CD99: variants seen among roughly 807,000 people sequenced by gnomAD.
CD99 encodes the protein CD99 antigen.
Under a neutral mutation model 28.4 loss-of-function variants are expected in CD99, and 19 were observed. The ratio of observed to expected loss-of-function variants is 0.67; its 90% CI spans 0.47 to 0.98. The LOEUF is 0.98. Among genes scored for constraint, CD99 ranks in the 50% least tolerant of loss-of-function variants. CD99 has a pLI of 0.00. For missense variants in CD99, 283 were observed against 248.8 expected, an observed-to-expected ratio of 1.14 and a Z score of -0.92; for synonymous variants, 103 against 92.1, an observed-to-expected ratio of 1.12 and a Z score of -0.67.
In CD99 at chrX:2,720,361, C is replaced by T; in HGVS notation, c.199C>T (p.Pro67Ser). The change falls in exon 5 of 10, where the codon CCA becomes TCA. Residue 67 changes from proline to serine, a missense_variant. By Grantham distance (74) the Pro-to-Ser change is moderately conservative (BLOSUM62 -1). Transcript: ENST00000381192. Reference protein sequence around the residue: ...DAVVDGENDDPRPPNPPKPMP... With the variant: ...DAVVDGENDDSRPPNPPKPMP... ...CTCTCATCTTTCACAAACAGACGAC[C>T]CACGACCACCGAACCCACCCAAACC... 6.2e-7 allele frequency: 1 copy of T among 1,613,776 alleles called. No individual in the cohort carries two copies. Among genetic ancestry groups the T allele is most frequent in the Non-Finnish European group, 8.5e-7 (1 of 1,179,808 alleles).
chrX:2,695,352 T>G (rs1165034626), intron 1 of CD99, among the ~76,000 whole-genome samples: 1 of 151,472 alleles, frequency 6.6e-6, no homozygotes, highest in East Asian at 2.0e-4. Context: ...ACTACAGGCA[T>G]GCACTGCATA....
At chrX:2,726,731 A>T (rs1040858893) in intron 8 of CD99, among the ~76,000 whole-genome samples, 1 of 152,196 alleles carries the variant, frequency 6.6e-6, no homozygotes, top group African/African-American at 2.4e-5. Context: ...GGTGGAAGAC[A>T]CTTAGCTCTG....
intron 7 of CD99, among the ~76,000 whole-genome samples, chrX:2,725,275 G>A (rs1362045141): frequency 4.6e-5 from 7 of 152,078 alleles, no homozygotes; most frequent in African/African-American, 1.7e-4. Flanking sequence ...GTGCACACCT[G>A]TAGTCCCAGC....
chrX:2,732,639 TC>T (rs1313782302), intron 8 of CD99, among the ~76,000 whole-genome samples: 1 of 144,118 alleles, frequency 6.9e-6, no homozygotes, highest in South Asian at 2.3e-4. Context: ...TTCCTCCTTT[TC>T]CTTTTTCTCT....
chrX:2,699,168 TTTC>T (rs1304417387), intron 1 of CD99, among the ~76,000 whole-genome samples: 123 of 151,976 alleles, frequency 8.1e-4, no homozygotes, highest in African/African-American at 2.4e-3. Flanking sequence ...CTCTCTTTTC[TTTC>T]TTCTTCTTCT....
chrX:2,722,532 C>T, intron 5 of CD99, 95 bp from the exon 6 acceptor site: 1 of 1,067,536 alleles, frequency 9.4e-7, no homozygotes, highest in Non-Finnish European at 1.5e-6. Context: ...TGTTGATGAA[C>T]AGGCCGGTTT....
intron 8 of CD99, among the ~76,000 whole-genome samples, chrX:2,732,713 TTC>T (rs1470802002): frequency 2.2e-5 from 3 of 137,468 alleles, no homozygotes; most frequent in East Asian, 1.9e-4. Flanking sequence ...TCTTTCTTTT[TTC>T]TCTCTTCTTT....
At chrX:2,703,909 C>T (rs2047999090) in intron 1 of CD99, among the ~76,000 whole-genome samples, 1 of 152,020 alleles carries the variant, frequency 6.6e-6, no homozygotes, top group African/African-American at 2.4e-5. Context: ...TGGCATCTGC[C>T]TGTGGAAGGG....
intron 7 of CD99, among the ~76,000 whole-genome samples, chrX:2,725,005 T>C (rs1460425821): frequency 1.3e-5 from 2 of 148,392 alleles, no homozygotes; most frequent in African/African-American, 5.0e-5. Flanking sequence ...GAGGTTGCAG[T>C]GAGCCGAGAT....
chrX:2,692,703 A>ATG (rs2124445914), intron 1 of CD99, among the ~76,000 whole-genome samples: 1 of 152,234 alleles, frequency 6.6e-6, no homozygotes, highest in South Asian at 2.1e-4. Context: ...CACGGACGGG[A>ATG]TGGCTCTGTA....
intron 5 of CD99, among the ~76,000 whole-genome samples, chrX:2,722,352 C>T (rs2049032887): frequency 6.6e-6 from 1 of 152,102 alleles, no homozygotes; most frequent in Admixed American, 6.6e-5. Flanking sequence ...CTGAGTTTAG[C>T]TCTTCTTGCC....
intron 8 of CD99, among the ~76,000 whole-genome samples, chrX:2,730,489 T>TA (rs1228008707): frequency 6.6e-6 from 1 of 152,062 alleles, no homozygotes; most frequent in Non-Finnish European, 1.5e-5. Context: ...TAATTTTTTT[T>TA]AAAAAAGCAT....
intron 1 of CD99, among the ~76,000 whole-genome samples, chrX:2,710,043 G>A (rs1186702399): frequency 6.6e-6 from 1 of 152,198 alleles, no homozygotes. Flanking sequence ...TTTTCCCTGT[G>A]CCCTGCGATT....
intron 1 of CD99, among the ~76,000 whole-genome samples, chrX:2,697,524 C>A (rs2124468342): frequency 6.6e-6 from 1 of 152,188 alleles, no homozygotes; most frequent in South Asian, 2.1e-4. Flanking sequence ...CCTGACCCTG[C>A]AAAATTATTG....
At chrX:2,698,921 G>A (rs2047704821) in intron 1 of CD99, among the ~76,000 whole-genome samples, 1 of 151,138 alleles carries the variant, frequency 6.6e-6, no homozygotes, top group Non-Finnish European at 1.5e-5. Flanking sequence ...GACGTGTTAG[G>A]TGTTTTAATT....
At chrX:2,739,512 C>T (rs1408735171) in intron 9 of CD99, among the ~76,000 whole-genome samples, 4 of 151,776 alleles carry the variant, frequency 2.6e-5, no homozygotes, top group Non-Finnish European at 5.9e-5. Context: ...TGCAGTGGTG[C>T]GACCTCTGCT....
intron 8 of CD99, among the ~76,000 whole-genome samples, chrX:2,729,280 G>T (rs1275341728): frequency 6.6e-6 from 1 of 152,128 alleles, no homozygotes; most frequent in Non-Finnish European, 1.5e-5. Context: ...GCGTGCAGAC[G>T]TAGGAACTTT....
At chrX:2,707,682 G>A (rs2124515329) in intron 1 of CD99, among the ~76,000 whole-genome samples, 1 of 152,300 alleles carries the variant, frequency 6.6e-6, no homozygotes, top group Non-Finnish European at 1.5e-5. Flanking sequence ...GTGGCAGTTG[G>A]GGGTTCTGCT....
chrX:2,713,835 C>G (rs1037589078), intron 1 of CD99, among the ~76,000 whole-genome samples: 37 of 152,308 alleles, frequency 2.4e-4, no homozygotes, highest in Middle Eastern at 3.4e-3. Context: ...CTGAATTTGG[C>G]TTTTCTTCAG....
Sources: gnomAD v4.1 joint callset for allele counts (sites outside exome capture counted in the v4.1 genomes callset) on GRCh38, gnomAD v4.1.1 for gene constraint, MANE v1.5 for transcripts, NCBI Gene and HGNC (gene_info 2026-07-23, HGNC 2026-07-21) for gene names.